ARHGEF4: variants seen among roughly 807,000 people sequenced by gnomAD.
The protein encoded by ARHGEF4 is Rho guanine nucleotide exchange factor 4.
A neutral mutation model predicts 162.0 loss-of-function variants in ARHGEF4; 119 were observed. The ratio of observed to expected loss-of-function variants is 0.73; its 90% CI spans 0.63 to 0.86. ARHGEF4 has a LOEUF of 0.86. Ranked by LOEUF, ARHGEF4 falls within the 40% of genes least tolerant of loss-of-function variation. The probability of loss-of-function intolerance (pLI) is 0.00; values close to 1 mark genes in which losing one functional copy is unlikely to be tolerated. For missense variants in ARHGEF4, 2,488 were observed against 2,456.0 expected, an observed-to-expected ratio of 1.01 and a Z score of -0.28; for synonymous variants, 1,014 against 979.9, an observed-to-expected ratio of 1.03 and a Z score of -0.65.
intron 4 of ARHGEF4, among the ~76,000 whole-genome samples, chr2:131,025,482 C>G (rs557016697): frequency 6.6e-6 from 1 of 152,300 alleles, no homozygotes; most frequent in African/African-American, 2.4e-5. Context: ...CTCTGCCAGG[C>G]CTTTGGGCTC....
chr2:130,874,397 A>G (rs982002567), intron 1 of ARHGEF4, among the ~76,000 whole-genome samples: 1 of 152,234 alleles, frequency 6.6e-6, no homozygotes. Context: ...GGCCCTCCTC[A>G]GGCCCACAAG....
At chr2:131,025,923 C>G (rs1262155674) in intron 4 of ARHGEF4, among the ~76,000 whole-genome samples, 1 of 152,204 alleles carries the variant, frequency 6.6e-6, no homozygotes, top group Admixed American at 6.5e-5. Context: ...ATTTTGAGGT[C>G]AGCTGATTAG....
intron 4 of ARHGEF4, among the ~76,000 whole-genome samples, chr2:130,978,192 C>G (rs555273632): frequency 6.6e-6 from 1 of 152,156 alleles, no homozygotes; most frequent in Non-Finnish European, 1.5e-5. Context: ...TTCAGTCCCC[C>G]CTTTCTATTT....
chr2:131,008,210 C>T (rs927683307), intron 4 of ARHGEF4, among the ~76,000 whole-genome samples: 1 of 152,076 alleles, frequency 6.6e-6, no homozygotes, highest in African/African-American at 2.4e-5. Flanking sequence ...ATTTGTTTGT[C>T]TGTAATATTT....
At chr2:130,898,270 C>G (rs1204648078) in intron 1 of ARHGEF4, among the ~76,000 whole-genome samples, 1 of 152,152 alleles carries the variant, frequency 6.6e-6, no homozygotes, top group Non-Finnish European at 1.5e-5. Flanking sequence ...TGACAATGTG[C>G]CGGGCACCGC....
Position 131,016,302 on chromosome 2 carries a change from T to C in ARHGEF4, c.3986-11643T>C, listed in dbSNP as rs183345533. ...CTGCCAGACCCCCATCACCTTCACA[T>C]TGCATCCTCAGAACCCTGCGTGTGT... On this transcript the variant is annotated intron_variant, in intron 4 of 13. Transcript: ENST00000409359. Among the ~76,000 whole-genome samples, 8 of 152,284 alleles carry C rather than the reference T, an allele frequency of 5.3e-5. 1 individual carries two copies. Among genetic ancestry groups the C allele is most frequent in the Admixed American group, 1.3e-4 (2 of 15,300 alleles).
At position 131,041,851 on chromosome 2, in the gene ARHGEF4, GA is replaced by G. The variant is rs770588578; in HGVS notation, c.4934del (p.Lys1645ArgfsTer27). Reference sequence around the variant, plus strand: ...ATGTTGAAGCCGCCTTGCATGCCATGAAGAACGTGGCCCAGCTCATCAACGA... The same window carrying G: ...ATGTTGAAGCCGCCTTGCATGCCATGAGAACGTGGCCCAGCTCATCAACGA... ...KDVEAALHAMKNVAQLINERK... is the reference protein window; with the variant it reads ...KDVEAALHAMXNVAQLINERK... On this transcript the variant is annotated frameshift_variant, in exon 10 of 14. Transcript: ENST00000409359. LOFTEE classifies it high-confidence loss of function. 1 of 1,613,664 alleles carries G rather than the reference GA, an allele frequency of 6.2e-7. No individual in the cohort carries two copies. Among genetic ancestry groups the G allele is most frequent in the East Asian group, 2.2e-5 (1 of 44,888 alleles).
intron 3 of ARHGEF4, among the ~76,000 whole-genome samples, chr2:130,934,910 C>T (rs1189926593): frequency 6.6e-6 from 1 of 152,138 alleles, no homozygotes; most frequent in Non-Finnish European, 1.5e-5. Context: ...ATTTTATCTA[C>T]ATTATCTAAT....
chr2:131,008,546 T>G (rs935080517), intron 4 of ARHGEF4, among the ~76,000 whole-genome samples: 3 of 152,230 alleles, frequency 2.0e-5, no homozygotes, highest in Non-Finnish European at 4.4e-5. Context: ...TTGATATAGT[T>G]GGGCTTACAT....
At chr2:130,895,393 A>G (rs1479100014) in intron 1 of ARHGEF4, among the ~76,000 whole-genome samples, 7 of 152,210 alleles carry the variant, frequency 4.6e-5, no homozygotes, top group Non-Finnish European at 1.0e-4. Context: ...GCATCTGCTT[A>G]CAAATCTTTG....
Position 130,914,303 on chromosome 2 carries a change from G to T in ARHGEF4, c.357G>T (p.Leu119Phe). ...CTGGACCCCCTCAGGAGCAGCATTT[G>T]ACCAGTGTTCCTGGGCTTCATGCAA... ...SATGPPQEQH[L>F]TSVPGLHAKE... The change falls in exon 2 of 14, where the codon TTG (leucine) becomes TTT (phenylalanine). Residue 119 changes from leucine (L) to phenylalanine (F), a missense_variant. Transcript: ENST00000409359. 2 of 1,509,350 alleles carry T rather than the reference G, an allele frequency of 1.3e-6. No individual in the cohort carries two copies. The highest frequency in any genetic ancestry group is 2.5e-5 in the South Asian group (2 of 80,080). 93.5% of individuals were successfully genotyped at this position (1,509,350 alleles called of 1,614,324 possible).
At position 130,914,822 on chromosome 2, in the gene ARHGEF4, C is replaced by A; in HGVS notation, c.876C>A (p.Val292=). ...TCTGGTCCCAGCCCCACTCGGATGT[C>A]CCCTGCCAGCCTCCTTTGAGGACAT... ...ELLWSQPHSD[V]PCQPPLRTSC... Residue 292 remains valine, a synonymous_variant, in exon 2 of 14, where the codon GTC becomes GTA. Transcript: ENST00000409359. 1.4e-6 allele frequency: 2 copies of A among 1,455,840 alleles called. No individual in the cohort carries two copies. The highest frequency in any genetic ancestry group is 1.8e-6 in the Non-Finnish European group (2 of 1,105,504). 90.2% of individuals were successfully genotyped at this position (1,455,840 alleles called of 1,614,324 possible).
In ARHGEF4 at chr2:130,969,598, CA is replaced by C. The variant is rs879494565; in HGVS notation, c.3985+22976del. ...TGGGTGACAGAGTGAGACTCCGTCTCAAAAAAAAAAAAATCATATGTCAAAC... is the reference window on the plus strand; with the variant it reads ...TGGGTGACAGAGTGAGACTCCGTCTCAAAAAAAAAAAATCATATGTCAAAC... On this transcript the variant is annotated intron_variant, in intron 4 of 13. Transcript: ENST00000409359. Among the ~76,000 whole-genome samples, 594 of 129,428 alleles carry C rather than the reference CA, an allele frequency of 4.6e-3. 3 individuals carry two copies. Among genetic ancestry groups the C allele is most frequent in the Middle Eastern group, 0.013 (3 of 240 alleles). The allele number at this position is 129,428 out of a possible 152,430, so 84.9% of individuals were successfully genotyped here.
chr2:130,870,659 C>T (rs972630064), intron 1 of ARHGEF4, among the ~76,000 whole-genome samples: 4 of 151,410 alleles, frequency 2.6e-5, no homozygotes, highest in Admixed American at 6.6e-5. Context: ...GGTCTTCCAT[C>T]CCTGGGGAGG....
intron 2 of ARHGEF4, among the ~76,000 whole-genome samples, chr2:130,930,592 A>G (rs1396561286): frequency 6.6e-6 from 1 of 152,072 alleles, no homozygotes; most frequent in Non-Finnish European, 1.5e-5. Context: ...TTCATAAGGG[A>G]ATGTTGTTTA....
chr2:130,955,659 A>G (rs1684223060), intron 4 of ARHGEF4, among the ~76,000 whole-genome samples: 1 of 152,036 alleles, frequency 6.6e-6, no homozygotes. Context: ...GTTATTTTCA[A>G]TATTGTCCTG....
At chr2:130,975,936 A>G (rs1399311387) in intron 4 of ARHGEF4, among the ~76,000 whole-genome samples, 2 of 152,054 alleles carry the variant, frequency 1.3e-5, no homozygotes, top group African/African-American at 4.8e-5. Flanking sequence ...CTCCATTCTC[A>G]CTGCAGTTGT....
At chr2:131,005,314 G>A (rs1186607900) in intron 4 of ARHGEF4, among the ~76,000 whole-genome samples, 1 of 152,078 alleles carries the variant, frequency 6.6e-6, no homozygotes, top group Non-Finnish European at 1.5e-5. Flanking sequence ...GGTAGAAATC[G>A]GGAAGTGCAG....
At chr2:130,892,883 C>T (rs558243368) in intron 1 of ARHGEF4, among the ~76,000 whole-genome samples, 188 of 152,356 alleles carry the variant, frequency 1.2e-3, no homozygotes, top group Admixed American at 2.6e-3. Flanking sequence ...CGCCTGGGGT[C>T]CACAAGGGCT....
Sources: gnomAD v4.1 joint callset for allele counts (sites outside exome capture counted in the v4.1 genomes callset) on GRCh38, gnomAD v4.1.1 for gene constraint, MANE v1.5 for transcripts, NCBI Gene and HGNC (gene_info 2026-07-23, HGNC 2026-07-21) for gene names.